Variants in TBC1D31 observed in about 807,000 individuals in gnomAD.
TBC1D31 encodes the protein WD repeat domain 67.
In TBC1D31, 99 loss-of-function variants were observed where a neutral mutation model predicts 132.9. That is an observed-to-expected ratio of 0.74 (90% CI 0.63 to 0.88). The LOEUF (loss-of-function observed/expected upper bound fraction) is 0.88, where lower values mean the gene tolerates loss of function less well. Among genes scored for constraint, TBC1D31 ranks in the 40% least tolerant of loss-of-function variants. The probability of loss-of-function intolerance (pLI) is 0.00; values close to 1 mark genes in which losing one functional copy is unlikely to be tolerated. For missense variants in TBC1D31, 1,134 were observed against 1,256.6 expected (o/e 0.90, Z 1.48); for synonymous variants, 385 against 419.4 (o/e 0.92, Z 1.00).
intron 17 of TBC1D31, among the ~76,000 whole-genome samples, chr8:123,140,021 T>G (rs1821478443): frequency 6.6e-6 from 1 of 152,100 alleles, no homozygotes; most frequent in Admixed American, 6.6e-5. Flanking sequence ...TCCAACCCCC[T>G]TTTGCTTGGC....
chr8:123,120,753 A>G (rs139471567), intron 11 of TBC1D31, among the ~76,000 whole-genome samples: 1,748 of 152,216 alleles, frequency 0.011, 13 homozygotes, highest in Non-Finnish European at 0.018. Flanking sequence ...TCATTTATAT[A>G]TTCCCCAAGT....
chr8:123,082,806 G>T lies in TBC1D31; in HGVS notation c.329G>T (p.Cys110Phe). 3 of 1,605,578 alleles carry T rather than the reference G, an allele frequency of 1.9e-6. No individual in the cohort carries two copies. The highest frequency in any genetic ancestry group is 2.6e-6 in the Non-Finnish European group (3 of 1,173,894). ...LVALADYSIKCFDTVTKELVS... is the reference protein window; with the variant it reads ...LVALADYSIKFFDTVTKELVS... ...GCATTAGCTGATTATTCTATTAAAT[G>T]TTTTGATACAGGTAAGAAGTTCTCC... is the stretch of plus-strand genomic sequence containing the variant. The change falls in exon 3 of 22, where the codon TGT becomes TTT. Residue 110 changes from cysteine (C) to phenylalanine (F), a missense_variant. By Grantham distance (205) the Cys-to-Phe change is radical. Transcript: ENST00000287380.
intron 18 of TBC1D31, 52 bp downstream of exon 18, chr8:123,140,953 C>T (rs762149593): frequency 1.3e-6 from 2 of 1,536,678 alleles, no homozygotes; most frequent in East Asian, 2.3e-5. Flanking sequence ...TTTCATCTGT[C>T]ACCCTCTTAA....
rs570022185 is a variant in TBC1D31, at chr8:123,116,753, A to C, written c.1437-3302A>C. Among the ~76,000 whole-genome samples the C allele has an allele frequency of 2.6e-5, 4 of 152,292 alleles. No homozygotes were observed. The East Asian group carries it at 5.8e-4, about 22-fold the overall frequency. On this transcript the variant is annotated intron_variant, in intron 10 of 21. Coordinates refer to ENST00000287380, the MANE Select transcript of TBC1D31 (RefSeq NM_145647.4). ...GATGGGCATGTCACAAGGGCACGTG[A>C]CTCAACCTAAAAGTTTCCAGTGGCC...
At position 123,125,998 on chromosome 8, in the gene TBC1D31, G is replaced by T. The variant is rs1036774573; in HGVS notation, c.1571-58G>T. 2.9e-6 allele frequency: 4 copies of T among 1,371,518 alleles called. No homozygotes were observed. The East Asian group carries it at 7.2e-5, about 25-fold the overall frequency. 85.0% of individuals were successfully genotyped at this position (1,371,518 alleles called of 1,614,324 possible). A position where few individuals can be genotyped will look rare whatever the true frequency, so the allele number is the denominator to read the frequency against. ...ATTGGATACATTTAAGAATTGCAAA[G>T]AGTTTTGATAACATGGAAAGATATT... On this transcript the variant is annotated intron_variant, in intron 11 of 21. Transcript: ENST00000287380.
intron 11 of TBC1D31, among the ~76,000 whole-genome samples, chr8:123,122,166 A>G (rs1242619233): frequency 6.6e-6 from 1 of 152,218 alleles, no homozygotes; most frequent in African/African-American, 2.4e-5. Flanking sequence ...GAATTACCGT[A>G]TAACCCAACC....
At chr8:123,151,664 G>A in intron 21 of TBC1D31, 142 bp from the exon 22 acceptor site, 2 of 749,202 alleles carry the variant, frequency 2.7e-6, no homozygotes, top group Non-Finnish European at 3.9e-6. Flanking sequence ...AACCACCTAG[G>A]GCCAGGTTAT....
intron 11 of TBC1D31, among the ~76,000 whole-genome samples, chr8:123,124,319 A>G (rs908694263): frequency 2.0e-5 from 3 of 152,244 alleles, no homozygotes; most frequent in African/African-American, 4.8e-5. Flanking sequence ...ATGACCAGAC[A>G]TAAAGTCTTT....
Position 123,130,123 on chromosome 8 carries a change from C to G in TBC1D31, c.2271-75C>G, listed in dbSNP as rs1404753990. The G allele has an allele frequency of 1.7e-5, 24 of 1,440,220 alleles. No individual in the cohort carries two copies. The East Asian group carries it at 5.1e-4, about 31-fold the overall frequency. 89.2% of individuals were successfully genotyped at this position (1,440,220 alleles called of 1,614,324 possible). Reference sequence around the variant, plus strand: ...AATTGTATTGAAATGATCAGCATGGCAGACCTGTTATGAAAAAACTAAATC... The same window carrying G: ...AATTGTATTGAAATGATCAGCATGGGAGACCTGTTATGAAAAAACTAAATC... On this transcript the variant is annotated intron_variant, in intron 15 of 21. Coordinates refer to ENST00000287380, the MANE Select transcript of TBC1D31 (RefSeq NM_145647.4).
At chr8:123,161,199 G>C in the TBC1D31 span, among the ~76,000 whole-genome samples, 2 of 152,202 alleles carry the variant, frequency 1.3e-5, no homozygotes, top group Admixed American at 6.5e-5. Context: ...CCTTTGCACC[G>C]GCAGCTCTAG....
intron 16 of TBC1D31, among the ~76,000 whole-genome samples, chr8:123,132,348 C>T (rs1460732409): frequency 6.7e-6 from 1 of 148,940 alleles, no homozygotes; most frequent in Non-Finnish European, 1.5e-5. Flanking sequence ...TGACTTTATG[C>T]ACTAATTTAG....
intron 16 of TBC1D31, among the ~76,000 whole-genome samples, chr8:123,132,180 T>G (rs932346632): frequency 6.6e-6 from 1 of 152,128 alleles, no homozygotes; most frequent in African/African-American, 2.4e-5. Context: ...TTTGAAGTGT[T>G]TTACCAACTA....
At chr8:123,134,341 T>C (rs1003589057) in intron 17 of TBC1D31, 135 bp downstream of exon 17, 2 of 653,660 alleles carry the variant, frequency 3.1e-6, no homozygotes, top group Non-Finnish European at 5.3e-6. Flanking sequence ...AGACCAGACC[T>C]GGGCAATATA....
chr8:123,080,736 C>T (rs1467908523), intron 2 of TBC1D31, among the ~76,000 whole-genome samples: 1 of 151,838 alleles, frequency 6.6e-6, no homozygotes, highest in African/African-American at 2.4e-5. Context: ...AGGGTTTCAC[C>T]ATGTTGGCCA....
In TBC1D31 at chr8:123,109,369, G is replaced by A. The variant is rs773189405; in HGVS notation, c.1262G>A (p.Gly421Asp). ...NKKRLQILLKGYGEYPTKYRM... is the reference protein window; with the variant it reads ...NKKRLQILLKDYGEYPTKYRM... Reference sequence around the variant, plus strand: ...AAGCGTTTACAAATCTTATTAAAAGGCTATGGTGAATATCCAACAAAATAC... The same window carrying A: ...AAGCGTTTACAAATCTTATTAAAAGACTATGGTGAATATCCAACAAAATAC... The change falls in exon 9 of 22, where the codon GGC becomes GAC. Residue 421 changes from glycine (G) to aspartate (D), a missense_variant. Coordinates refer to ENST00000287380, the MANE Select transcript of TBC1D31 (RefSeq NM_145647.4). The A allele has an allele frequency of 6.2e-7, 1 of 1,609,382 alleles. No homozygotes were observed. Among genetic ancestry groups the A allele is most frequent in the African/African-American group, 1.3e-5 (1 of 74,702 alleles).
intron 4 of TBC1D31, among the ~76,000 whole-genome samples, chr8:123,089,548 C>G (rs1338779838): frequency 6.6e-6 from 1 of 152,056 alleles, no homozygotes; most frequent in Non-Finnish European, 1.5e-5. Context: ...TAAACCTTGT[C>G]CCTACAAAAA....
At chr8:123,075,283 G>A (rs1002267370) in intron 1 of TBC1D31, among the ~76,000 whole-genome samples, 2 of 152,090 alleles carry the variant, frequency 1.3e-5, no homozygotes. Context: ...TAAGAATTTT[G>A]CTATTTCCTT....
intron 6 of TBC1D31, 120 bp downstream of exon 6, chr8:123,097,561 A>G: frequency 8.3e-7 from 1 of 1,207,026 alleles, no homozygotes; most frequent in Non-Finnish European, 1.1e-6. Flanking sequence ...TGAAATTACA[A>G]ATATGTTATT....
At chr8:123,121,614 C>G (rs56673420) in intron 11 of TBC1D31, among the ~76,000 whole-genome samples, 27,377 of 152,088 alleles carry the variant, frequency 0.18, 2,522 homozygotes, top group South Asian at 0.22. Context: ...CGTTCCTGCC[C>G]TCTTCCAGAG....
Sources: gnomAD v4.1 joint callset for allele counts (sites outside exome capture counted in the v4.1 genomes callset) on GRCh38, gnomAD v4.1.1 for gene constraint, MANE v1.5 for transcripts, NCBI Gene and HGNC (gene_info 2026-07-23, HGNC 2026-07-21) for gene names.